TNRC18: variants seen among roughly 807,000 people sequenced by gnomAD.
TNRC18 encodes trinucleotide repeat-containing gene 18 protein.
TNRC18 carries 69 observed loss-of-function variants against 226.7 expected under a neutral mutation model. The observed-to-expected ratio is 0.30, with a 90% confidence interval of 0.25 to 0.37. The LOEUF (loss-of-function observed/expected upper bound fraction) is 0.37. Ranked by LOEUF, TNRC18 falls within the 10% of genes least tolerant of loss-of-function variation. TNRC18 has a pLI of 1.00. For missense variants in TNRC18, 4,754 were observed against 4,256.6 expected (o/e 1.12, Z -3.25); for synonymous variants, 2,449 against 1,927.6 (o/e 1.27, Z -7.09).
rs548952371 is a variant in TNRC18 at position 5,380,589 on chromosome 7, G to A, written c.2153-2565C>T. 6.6e-5 allele frequency among the ~76,000 whole-genome samples: 10 copies of A among 152,286 alleles called. No individual in the cohort carries two copies. In the East Asian group the frequency reaches 1.2e-3, roughly 18 times the overall value. On this transcript the variant is annotated intron_variant, in intron 5 of 29. Coordinates refer to ENST00000430969, the MANE Select transcript of TNRC18 (RefSeq NM_001080495.3). ...CCGGCACGGGGAGAAGCGTGTTGAC[G>A]AGGGCGCCTGGACACGGGCCTCCAG...
intron 2 of TNRC18, among the ~76,000 whole-genome samples, chr7:5,409,571 A>G (rs970406985): frequency 2.0e-5 from 3 of 152,092 alleles, no homozygotes; most frequent in African/African-American, 7.2e-5. Flanking sequence ...CCCCAGTAAC[A>G]CAGGGAGACC....
intron 18 of TNRC18, among the ~76,000 whole-genome samples, chr7:5,334,513 G>A (rs932494771): frequency 6.6e-6 from 1 of 150,766 alleles, no homozygotes; most frequent in African/African-American, 2.4e-5. Context: ...TAGGCAGGCT[G>A]GTCTCGAACT....
Position 5,394,572 on chromosome 7 carries a change from C to A in TNRC18, c.211G>T (p.Val71Leu). The change falls in exon 3 of 30, where the codon GTG becomes TTG. Residue 71 changes from valine to leucine, a missense_variant. Coordinates refer to ENST00000430969, the MANE Select transcript of TNRC18 (RefSeq NM_001080495.3). The surrounding 1 kb of genome is among the most constrained non-coding windows in gnomAD (Gnocchi z 4.5). ...HPGEAFLGSFVASGMGPSASS... is the reference protein window; with the variant it reads ...HPGEAFLGSFLASGMGPSASS... ...GCCGAGGGCCCCATCCCGCTGGCCA[C>A]AAAGCTGCCCAAGAAGGCCTCGCCT... is the stretch of plus-strand genomic sequence containing the variant. 6.5e-7 allele frequency: 1 copy of A among 1,548,636 alleles called. No individual in the cohort carries two copies. Among genetic ancestry groups the A allele is most frequent in the Non-Finnish European group, 8.7e-7 (1 of 1,147,636 alleles).
chr7:5,327,835 T>C (rs183496659), intron 19 of TNRC18, among the ~76,000 whole-genome samples: 16 of 152,292 alleles, frequency 1.1e-4, no homozygotes, highest in Non-Finnish European at 2.1e-4. Context: ...TTGGTAACTA[T>C]GACAGCAAAA....
chr7:5,373,947 G>T, intron 10 of TNRC18, 108 bp downstream of exon 10: 1 of 887,946 alleles, frequency 1.1e-6, no homozygotes, highest in Non-Finnish European at 1.6e-6. Context: ...GAGGTGCTCC[G>T]TGGAGGTGGA....
intron 19 of TNRC18, among the ~76,000 whole-genome samples, chr7:5,331,411 G>T (rs1583800080): frequency 1.3e-5 from 2 of 152,190 alleles, no homozygotes; most frequent in Middle Eastern, 6.8e-3. Context: ...TAGGAAATCT[G>T]TAAATGGGTA....
chr7:5,375,026 A>G (rs765450807), intron 9 of TNRC18, among the ~76,000 whole-genome samples: 21 of 152,230 alleles, frequency 1.4e-4, no homozygotes, highest in Non-Finnish European at 2.6e-4. Context: ...AAAACACACT[A>G]GGGGCCGGGC....
chr7:5,316,521 C>T (rs1290131729), intron 24 of TNRC18, among the ~76,000 whole-genome samples: 1 of 152,030 alleles, frequency 6.6e-6, no homozygotes, highest in African/African-American at 2.4e-5. Context: ...TCAGGTGATC[C>T]GCCCACCTCA....
At chr7:5,345,517 G>GGGGGGGGGCCA in intron 18 of TNRC18, 45 bp downstream of exon 18, 1 of 377,744 alleles carries the variant, frequency 2.6e-6, no homozygotes, top group Non-Finnish European at 4.8e-6. Context: ...AATGGCGTCC[G>GGGGGGGGGCCA]CCCCTCCCAC....
Position 5,324,191 on chromosome 7 carries a change from C to T in TNRC18, c.6442+23G>A, listed in dbSNP as rs780820267. 6.3e-7 allele frequency: 1 copy of T among 1,581,842 alleles called. No homozygotes were observed. The highest frequency in any genetic ancestry group is 8.6e-7 in the Non-Finnish European group (1 of 1,167,658). On this transcript the variant is annotated intron_variant, in intron 21 of 29. Coordinates refer to ENST00000430969, the MANE Select transcript of TNRC18 (RefSeq NM_001080495.3). The surrounding 1 kb of genome is among the most constrained non-coding windows in gnomAD (Gnocchi z 4.8). ...GAGGCTCCAGCAGCCCCGCCCGGCA[C>T]ATGTGGCATCACGGCCACTCACCCG...
intron 3 of TNRC18, among the ~76,000 whole-genome samples, chr7:5,392,296 T>C (rs377183122): frequency 6.6e-6 from 1 of 152,014 alleles, no homozygotes; most frequent in African/African-American, 2.4e-5. Flanking sequence ...ACCCCATCTC[T>C]ACTAAAAATA....
chr7:5,382,977 C>T (rs1249399168), intron 5 of TNRC18, among the ~76,000 whole-genome samples: 1 of 152,216 alleles, frequency 6.6e-6, no homozygotes, highest in Non-Finnish European at 1.5e-5. Flanking sequence ...ACTGCAGCCT[C>T]GACCTGCTGG....
At chr7:5,326,133 A>G (rs1339631832) in intron 19 of TNRC18, among the ~76,000 whole-genome samples, 3 of 151,652 alleles carry the variant, frequency 2.0e-5, no homozygotes, top group Non-Finnish European at 4.4e-5. Flanking sequence ...CCTCCTACCA[A>G]CTCCACAGAG....
intron 21 of TNRC18, among the ~76,000 whole-genome samples, chr7:5,322,292 C>T (rs1788460921): frequency 6.6e-6 from 1 of 151,644 alleles, no homozygotes; most frequent in South Asian, 2.1e-4. Flanking sequence ...TAATCATCAT[C>T]ATCATCATCA....
chr7:5,338,869 G>A (rs567981887), intron 18 of TNRC18, among the ~76,000 whole-genome samples: 2 of 141,900 alleles, frequency 1.4e-5, no homozygotes, highest in African/African-American at 2.7e-5. Flanking sequence ...GTGGTGAGCC[G>A]AGATCATGCC....
chr7:5,324,513 G>A lies in TNRC18; in HGVS notation c.6301-158C>T, dbSNP rs1182870016. Among the ~76,000 whole-genome samples the A allele has an allele frequency of 2.6e-5, 4 of 152,266 alleles. No individual in the cohort carries two copies. The East Asian group carries it at 5.8e-4, about 22-fold the overall frequency. On this transcript the variant is annotated intron_variant, in intron 20 of 29. Coordinates refer to ENST00000430969, the MANE Select transcript of TNRC18 (RefSeq NM_001080495.3). The surrounding 1 kb of genome is among the most constrained non-coding windows in gnomAD (Gnocchi z 4.8). ...CAGTTAGGGGCACCCCAGAGGCCAG[G>A]GGGAAGGTGAAATGGGCCCAAAACC...
chr7:5,344,992 A>G (rs933583772), intron 18 of TNRC18, among the ~76,000 whole-genome samples: 1 of 152,122 alleles, frequency 6.6e-6, no homozygotes, highest in Non-Finnish European at 1.5e-5. Context: ...GGGCAAGTCA[A>G]AGAGAGCTTG....
intron 5 of TNRC18, among the ~76,000 whole-genome samples, chr7:5,382,459 G>T (rs766262110): frequency 6.6e-6 from 1 of 152,188 alleles, no homozygotes; most frequent in East Asian, 1.9e-4. Flanking sequence ...CAAGGCTCAC[G>T]CAGAGGCCCC....
rs555272101 is a variant in TNRC18, at chr7:5,364,461, AAACACACACACACAC to A, written c.4220-1651_4220-1637del. On this transcript the variant is annotated intron_variant, in intron 11 of 29. Coordinates refer to ENST00000430969, the MANE Select transcript of TNRC18 (RefSeq NM_001080495.3). ...CAACAGAGCGAGCCTGTCTCAAAGA[AAACACACACACACAC>A]ACACACACACACACACACACACACA... is the stretch of plus-strand genomic sequence containing the variant. Among the ~76,000 whole-genome samples the A allele has an allele frequency of 2.7e-3, 334 of 124,972 alleles. 10 individuals are homozygous for A. In the East Asian group the frequency reaches 0.059, roughly 22 times the overall value. The allele number at this position is 124,972 out of a possible 152,430, so 82.0% of individuals were successfully genotyped here.
Sources: gnomAD v4.1 joint callset for allele counts (sites outside exome capture counted in the v4.1 genomes callset) on GRCh38, gnomAD v4.1.1 for gene constraint, Gnocchi (gnomAD v3.1) non-coding constraint, MANE v1.5 for transcripts, NCBI Gene and HGNC (gene_info 2026-07-23, HGNC 2026-07-21) for gene names.